Variants in IGSF3 observed in about 807,000 individuals in gnomAD.
IGSF3 encodes the protein glu-Trp-Ile EWI motif-containing protein 3.
A neutral mutation model predicts 114.4 loss-of-function variants in IGSF3; 23 were observed. The ratio of observed to expected loss-of-function variants is 0.20; its 90% CI spans 0.14 to 0.28. The LOEUF (loss-of-function observed/expected upper bound fraction) is 0.28, where lower values mean the gene tolerates loss of function less well. Among genes scored for constraint, IGSF3 ranks in the 10% least tolerant of loss-of-function variants. IGSF3 has a pLI of 1.00. For synonymous variants in IGSF3, 571 were observed against 645.2 expected, an observed-to-expected ratio of 0.88 and a Z score of 1.74; for missense variants, 1,172 against 1,591.5, an observed-to-expected ratio of 0.74 and a Z score of 4.48.
intron 4 of IGSF3, among the ~76,000 whole-genome samples, chr1:116,609,302 A>T (rs1660921454): frequency 6.6e-6 from 1 of 151,866 alleles, no homozygotes; most frequent in Non-Finnish European, 1.5e-5. Context: ...GCTGGAGTGT[A>T]GTGGCATGAT....
chr1:116,631,027 G>A (rs1054430421), intron 2 of IGSF3, among the ~76,000 whole-genome samples: 4 of 152,182 alleles, frequency 2.6e-5, no homozygotes, highest in Non-Finnish European at 4.4e-5. Context: ...CTACTAAAGA[G>A]CATGGGCTTG....
rs1450529889 is a variant in IGSF3 at position 116,664,231 on chromosome 1, C to G, written c.43+2053G>C. Among the ~76,000 whole-genome samples, 1 of 152,154 alleles carries G rather than the reference C, an allele frequency of 6.6e-6. No homozygotes were observed. Among genetic ancestry groups the G allele is most frequent in the Non-Finnish European group, 1.5e-5 (1 of 68,034 alleles). On this transcript the variant is annotated intron_variant, in intron 2 of 10. Transcript: ENST00000369486. The surrounding 1 kb of genome is among the most constrained non-coding windows in gnomAD (Gnocchi z 4.6). ...CTGCATCTGGATGTCTGCCACTGTG[C>G]CCCTTTAAAGCCACCTTGATGCTCA...
chr1:116,613,445 C>G (rs1253581980), intron 4 of IGSF3, among the ~76,000 whole-genome samples: 2 of 152,140 alleles, frequency 1.3e-5, no homozygotes, highest in Admixed American at 1.3e-4. Context: ...TTTTAAGATA[C>G]AAATGGTTTC....
chr1:116,586,340 G>C (rs1017827383), intron 8 of IGSF3, among the ~76,000 whole-genome samples: 1 of 152,106 alleles, frequency 6.6e-6, no homozygotes, highest in African/African-American at 2.4e-5. Flanking sequence ...TTGTCTCAGG[G>C]TTGAAAGGTT....
rs191683493 is a variant in IGSF3 at position 116,631,874 on chromosome 1, C to T, written c.44-15417G>A. Reference sequence around the variant, plus strand: ...CCAAAGGCCATGATAACCCATGGATCGATTTGAGAAAGATGCCAGAAAACA... The same window carrying T: ...CCAAAGGCCATGATAACCCATGGATTGATTTGAGAAAGATGCCAGAAAACA... On this transcript the variant is annotated intron_variant, in intron 2 of 10. Coordinates refer to ENST00000369486, the MANE Select transcript of IGSF3 (RefSeq NM_001007237.3). Among the ~76,000 whole-genome samples the T allele has an allele frequency of 8.5e-5, 13 of 152,286 alleles. No individual in the cohort carries two copies. The East Asian group carries it at 1.3e-3, about 16-fold the overall frequency.
Position 116,632,724 on chromosome 1 carries a change from A to C in IGSF3, c.44-16267T>G, listed in dbSNP as rs1647647886. Reference sequence around the variant, plus strand: ...CCTCGTCTGGCAGGATTAACTAGCCATACCTGTCCAGCCCACAGAGCCTGG... The same window carrying C: ...CCTCGTCTGGCAGGATTAACTAGCCCTACCTGTCCAGCCCACAGAGCCTGG... On this transcript the variant is annotated intron_variant, in intron 2 of 10. Coordinates refer to ENST00000369486, the MANE Select transcript of IGSF3 (RefSeq NM_001007237.3). This position sits in a 1 kb window ranked among gnomAD's most constrained non-coding sequence, Gnocchi z 5.1. Among the ~76,000 whole-genome samples the C allele has an allele frequency of 1.3e-5, 2 of 152,228 alleles. No homozygotes were observed. Among genetic ancestry groups the C allele is most frequent in the Admixed American group, 6.5e-5 (1 of 15,286 alleles).
intron 2 of IGSF3, among the ~76,000 whole-genome samples, chr1:116,653,377 T>C (rs1020761077): frequency 6.6e-6 from 1 of 152,194 alleles, no homozygotes; most frequent in Non-Finnish European, 1.5e-5. Context: ...TTCTGATATA[T>C]TCACCATAAA....
chr1:116,613,715 A>T, intron 4 of IGSF3, 50 bp downstream of exon 4: 1 of 1,546,762 alleles, frequency 6.5e-7, no homozygotes, highest in Non-Finnish European at 8.9e-7. Flanking sequence ...AGTATCTGAC[A>T]GCCTTCACCA....
chr1:116,640,037 CAAAAAAAAAAAA>C (rs34003833), intron 2 of IGSF3, among the ~76,000 whole-genome samples: 20 of 65,292 alleles, frequency 3.1e-4, no homozygotes, highest in Non-Finnish European at 5.1e-4. Flanking sequence ...GACTCTATCT[CAAAAAAAAAAAA>C]AAAAAAAAGA....
At position 116,624,480 on chromosome 1, in the gene IGSF3, A is replaced by G. The variant is rs1661515570; in HGVS notation, c.44-8023T>C. Reference sequence around the variant, plus strand: ...TAAAACTTAATTCCTGGCACACAATAAGTGCTCAATAAATGTTTAGCCACT... The same window carrying G: ...TAAAACTTAATTCCTGGCACACAATGAGTGCTCAATAAATGTTTAGCCACT... On this transcript the variant is annotated intron_variant, in intron 2 of 10. Coordinates refer to ENST00000369486, the MANE Select transcript of IGSF3 (RefSeq NM_001007237.3). This position sits in a 1 kb window ranked among gnomAD's most constrained non-coding sequence, Gnocchi z 4.9. Among the ~76,000 whole-genome samples, 1 of 152,228 alleles carries G rather than the reference A, an allele frequency of 6.6e-6. No homozygotes were observed. The highest frequency in any genetic ancestry group is 2.4e-5 in the African/African-American group (1 of 41,454).
At chr1:116,587,330 T>G (rs1659890902) in intron 8 of IGSF3, among the ~76,000 whole-genome samples, 2 of 152,250 alleles carry the variant, frequency 1.3e-5, no homozygotes, top group African/African-American at 4.8e-5. Context: ...TAACAGAATG[T>G]CAGGTGGTGA....
rs1031457551 is a variant in IGSF3 at position 116,600,835 on chromosome 1, A to C, written c.1625-490T>G. Among the ~76,000 whole-genome samples the C allele has an allele frequency of 1.2e-4, 18 of 152,164 alleles. No individual in the cohort carries two copies. The highest frequency in any genetic ancestry group is 5.9e-4 in the Admixed American group (9 of 15,280). On this transcript the variant is annotated intron_variant, in intron 6 of 10. Coordinates refer to ENST00000369486, the MANE Select transcript of IGSF3 (RefSeq NM_001007237.3). This position sits in a 1 kb window ranked among gnomAD's most constrained non-coding sequence, Gnocchi z 5.5. ...AGGGAAGCAGATGGAGTCGGCCTCC[A>C]GTCCCTTTCTCACGTCCCTCATGAA...
chr1:116,626,430 A>C (rs1351911144), intron 2 of IGSF3, among the ~76,000 whole-genome samples: 1 of 152,214 alleles, frequency 6.6e-6, no homozygotes. Flanking sequence ...ATAGCTGCAC[A>C]GTATTCCATC....
intron 2 of IGSF3, among the ~76,000 whole-genome samples, chr1:116,619,914 C>G (rs1282604410): frequency 6.6e-6 from 1 of 151,960 alleles, no homozygotes; most frequent in African/African-American, 2.4e-5. Flanking sequence ...AAAGAAAATA[C>G]TAGGTGACAG....
In IGSF3 at chr1:116,598,975, A is replaced by G. The variant is rs1254975569; in HGVS notation, c.2029+966T>C. ...GCATCCTTATGATCCGCTTTGAGAC[A>G]GACTCAGCCTCCATAGAGAAAGGAG... On this transcript the variant is annotated intron_variant, in intron 7 of 10. Coordinates refer to ENST00000369486, the MANE Select transcript of IGSF3 (RefSeq NM_001007237.3). This position sits in a 1 kb window ranked among gnomAD's most constrained non-coding sequence, Gnocchi z 4.3. Among the ~76,000 whole-genome samples the G allele has an allele frequency of 6.6e-6, 1 of 152,222 alleles. No homozygotes were observed. The highest frequency in any genetic ancestry group is 1.5e-5 in the Non-Finnish European group (1 of 68,030).
chr1:116,637,574 G>A (rs571168965), intron 2 of IGSF3, among the ~76,000 whole-genome samples: 21 of 152,246 alleles, frequency 1.4e-4, no homozygotes, highest in Non-Finnish European at 2.6e-4. Context: ...GCAAGCAGAC[G>A]ACCTTCTTTC....
chr1:116,577,512 C>T lies in IGSF3; in HGVS notation c.3385G>A (p.Val1129Ile), dbSNP rs199972543. ...AAGATGGGGAAAGGGTAGAAGAAGA[C>T]GAAGTAGAAGAGTGCGTCGTTGGAG... is the stretch of plus-strand genomic sequence containing the variant. Reference protein sequence around the residue: ...ICSNDALFYFVFFYPFPIFGI... With the variant: ...ICSNDALFYFIFFYPFPIFGI... Residue 1129 changes from valine to isoleucine, a missense_variant, in exon 11 of 11, where the codon GTC becomes ATC. Around this residue, in one of 3 missense-constraint regions of IGSF3, gnomAD observed 423 missense variants for 509.8 expected, o/e 0.83. Coordinates refer to ENST00000369486, the MANE Select transcript of IGSF3 (RefSeq NM_001007237.3). The surrounding 1 kb of genome is among the most constrained non-coding windows in gnomAD (Gnocchi z 5.7). 1.5e-5 allele frequency: 25 copies of T among 1,614,008 alleles called. No homozygotes were observed. The highest frequency in any genetic ancestry group is 8.0e-5 in the African/African-American group (6 of 75,000).
chr1:116,634,220 G>A lies in IGSF3; in HGVS notation c.44-17763C>T, dbSNP rs1404551291. On this transcript the variant is annotated intron_variant, in intron 2 of 10. Coordinates refer to ENST00000369486, the MANE Select transcript of IGSF3 (RefSeq NM_001007237.3). The surrounding 1 kb of genome is among the most constrained non-coding windows in gnomAD (Gnocchi z 4.2). ...ACAAATGAGTAAAAACACATGCCAC[G>A]ACAAGGCAAAATGAGGAGACAGTAT... is the stretch of plus-strand genomic sequence containing the variant. 1.3e-5 allele frequency among the ~76,000 whole-genome samples: 2 copies of A among 152,120 alleles called. No homozygotes were observed. Among genetic ancestry groups the A allele is most frequent in the Non-Finnish European group, 2.9e-5 (2 of 68,034 alleles).
In IGSF3 at chr1:116,665,196, T is replaced by A. The variant is rs1649279802; in HGVS notation, c.43+1088A>T. 6.6e-6 allele frequency among the ~76,000 whole-genome samples: 1 copy of A among 152,142 alleles called. No homozygotes were observed. Among genetic ancestry groups the A allele is most frequent in the Admixed American group, 6.5e-5 (1 of 15,280 alleles). On this transcript the variant is annotated intron_variant, in intron 2 of 10. Transcript: ENST00000369486. The surrounding 1 kb of genome is among the most constrained non-coding windows in gnomAD (Gnocchi z 4.0). ...CCTCTAATTCTAAAGTCCATTCTCT[T>A]CCCACACACCTGTTACCTACTGCAA...
Sources: allele counts gnomAD v4.1 joint callset (sites outside exome capture counted in the v4.1 genomes callset), GRCh38; gene constraint gnomAD v4.1.1; regional missense constraint gnomAD v4.1.1; non-coding constraint Gnocchi (gnomAD v3.1); transcripts MANE v1.5; gene names NCBI Gene and HGNC (gene_info 2026-07-23, HGNC 2026-07-21).